The following MLXIP variants were observed in gnomAD, a reference collection of about 807,000 sequenced individuals.
The protein encoded by MLXIP is MLX-interacting protein.
MLXIP carries 30 observed loss-of-function variants against 87.2 expected under a neutral mutation model. The observed-to-expected ratio is 0.34, with a 90% confidence interval of 0.26 to 0.47. The LOEUF (loss-of-function observed/expected upper bound fraction) is 0.47. Among genes scored for constraint, MLXIP ranks in the 20% least tolerant of loss-of-function variants. The pLI, the probability that MLXIP is intolerant of heterozygous loss-of-function variation, is 1.00. For missense variants in MLXIP, 1,002 were observed against 1,240.1 expected (o/e 0.81, Z 2.88); for synonymous variants, 530 against 514.0 (o/e 1.03, Z -0.42).
intron 1 of MLXIP, among the ~76,000 whole-genome samples, chr12:122,105,565 G>A (rs1422536904): frequency 3.3e-5 from 5 of 152,018 alleles, no homozygotes; most frequent in African/African-American, 7.2e-5. Context: ...TAGAACTCCC[G>A]ACCTCAGGTG....
chr12:122,127,747 TCTC>T (rs1952903714), intron 2 of MLXIP, 133 bp from the exon 3 acceptor site: 1 of 707,730 alleles, frequency 1.4e-6, no homozygotes, highest in Admixed American at 2.3e-5. Flanking sequence ...TTCCCTGAAA[TCTC>T]CTTTTCCTAG....
At chr12:122,127,394 G>C (rs781376607) in intron 2 of MLXIP, 32 bp downstream of exon 2, 4 of 1,523,558 alleles carry the variant, frequency 2.6e-6, no homozygotes, top group South Asian at 1.2e-5. Flanking sequence ...CGCCGGTGGT[G>C]GTCAGAACTT....
intron 1 of MLXIP, among the ~76,000 whole-genome samples, chr12:122,126,668 C>G (rs1324674058): frequency 6.6e-6 from 1 of 152,172 alleles, no homozygotes; most frequent in African/African-American, 2.4e-5. Flanking sequence ...CTGTGGTCAA[C>G]AGATTTCTTC....
rs929118875 is a variant in MLXIP at position 122,142,480 on chromosome 12, G to A, written c.*668G>A. ...ACCAGAATGGAAGCGTGTGATGCAC[G>A]GTGGCTGCTCTGGCTGAGAGGCCCT... On this transcript the variant is annotated 3_prime_UTR_variant, in exon 17 of 17. Coordinates refer to ENST00000319080, the MANE Select transcript of MLXIP (RefSeq NM_014938.6). The A allele has an allele frequency of 2.7e-5, 10 of 367,794 alleles. No individual in the cohort carries two copies. Among genetic ancestry groups the A allele is most frequent in the African/African-American group, 6.3e-5 (3 of 47,320 alleles). The allele number at this position is 367,794 out of a possible 1,614,324, so 22.8% of individuals were successfully genotyped here.
At chr12:122,128,008 T>TA (rs747032859) in intron 3 of MLXIP, 40 bp downstream of exon 3, 8 of 1,552,502 alleles carry the variant, frequency 5.2e-6, no homozygotes, top group Non-Finnish European at 7.1e-6. Context: ...AGTGGAAACA[T>TA]ACCAGCACCT....
At chr12:122,122,860 C>CT (rs60568039) in intron 1 of MLXIP, among the ~76,000 whole-genome samples, 61,531 of 142,282 alleles carry the variant, frequency 0.43, 13,379 homozygotes, top group Middle Eastern at 0.62. Context: ...TTTTCTTTTT[C>CT]TTTTTTTTTT....
intron 1 of MLXIP, among the ~76,000 whole-genome samples, chr12:122,121,206 C>T (rs1256883245): frequency 2.0e-5 from 3 of 151,240 alleles, no homozygotes; most frequent in Admixed American, 6.6e-5. Context: ...GATGGAGTTT[C>T]ACCATGTTGG....
intron 1 of MLXIP, among the ~76,000 whole-genome samples, chr12:122,106,659 T>TG (rs888284910): frequency 1.5e-5 from 2 of 137,740 alleles, no homozygotes; most frequent in African/African-American, 5.4e-5. Context: ...TGGAGTGCAG[T>TG]GGCGCGATCT....
At chr12:122,130,553 T>G (rs1406258184) in intron 6 of MLXIP, among the ~76,000 whole-genome samples, 1 of 151,508 alleles carries the variant, frequency 6.6e-6, no homozygotes, top group East Asian at 1.9e-4. Context: ...GCCCAAAGAT[T>G]GAAAATTAGA....
intron 1 of MLXIP, among the ~76,000 whole-genome samples, chr12:122,121,017 T>TTTTTTTG (rs1952774179): frequency 7.3e-6 from 1 of 136,542 alleles, no homozygotes; most frequent in Non-Finnish European, 1.6e-5. Flanking sequence ...TTGGTTTTTT[T>TTTTTTTG]TTTTTTTTTT....
rs115853086 is a variant in MLXIP at position 122,080,482 on chromosome 12, A to T, written c.413+1216A>T. ...TTTACCTGAAGTTAAAATATTAGAT[A>T]CTTAGCCCTGGATGGCACCCCCCTC... On this transcript the variant is annotated intron_variant, in intron 1 of 16. Transcript: ENST00000319080. Among the ~76,000 whole-genome samples the T allele has an allele frequency of 7.8e-3, 1,191 of 152,262 alleles. 15 individuals carry two copies. Among genetic ancestry groups the T allele is most frequent in the African/African-American group, 0.027 (1,135 of 41,530 alleles).
At chr12:122,083,144 C>A (rs532742818) in intron 1 of MLXIP, among the ~76,000 whole-genome samples, 1 of 152,128 alleles carries the variant, frequency 6.6e-6, no homozygotes, top group Non-Finnish European at 1.5e-5. Flanking sequence ...CTGAACACTT[C>A]TAGTGTGTAC....
intron 9 of MLXIP, chr12:122,134,319 C>T (rs977650952): frequency 3.5e-5 from 12 of 340,304 alleles, no homozygotes; most frequent in African/African-American, 1.5e-4. Flanking sequence ...GTCAGCCTCC[C>T]GAGTAGTTGG....
intron 15 of MLXIP, 62 bp downstream of exon 15, chr12:122,139,000 C>A: frequency 6.3e-7 from 1 of 1,599,104 alleles, no homozygotes; most frequent in South Asian, 1.1e-5. Context: ...AGCCACAGAC[C>A]GTGGCACTGT....
chr12:122,090,631 C>G (rs1952233118), intron 1 of MLXIP, among the ~76,000 whole-genome samples: 1 of 152,058 alleles, frequency 6.6e-6, no homozygotes, highest in Admixed American at 6.6e-5. Context: ...TTCAACTTTC[C>G]CTGTATGTTT....
chr12:122,103,186 T>C (rs992804039), intron 1 of MLXIP, among the ~76,000 whole-genome samples: 3 of 55,906 alleles, frequency 5.4e-5, no homozygotes, highest in Admixed American at 2.0e-4. Context: ...TATGTATGTA[T>C]GTATGTATGT....
intron 1 of MLXIP, among the ~76,000 whole-genome samples, chr12:122,079,499 A>AG (rs907174881): frequency 2.0e-5 from 3 of 152,142 alleles, no homozygotes; most frequent in Non-Finnish European, 2.9e-5. Flanking sequence ...TTCCCCATCC[A>AG]GGCCCTCCCC....
At chr12:122,088,187 C>G (rs1372630941) in intron 1 of MLXIP, among the ~76,000 whole-genome samples, 3 of 152,214 alleles carry the variant, frequency 2.0e-5, no homozygotes, top group Non-Finnish European at 4.4e-5. Context: ...TGCCCCTCCC[C>G]CTCTGCTGTC....
intron 1 of MLXIP, among the ~76,000 whole-genome samples, chr12:122,082,390 T>C (rs564006990): frequency 2.6e-5 from 4 of 152,306 alleles, no homozygotes; most frequent in African/African-American, 9.6e-5. Context: ...CTTAGACTTA[T>C]CTGAAGTCTA....
Sources: gnomAD v4.1 joint callset for allele counts (sites outside exome capture counted in the v4.1 genomes callset) on GRCh38, gnomAD v4.1.1 for gene constraint, MANE v1.5 for transcripts, NCBI Gene and HGNC (gene_info 2026-07-23, HGNC 2026-07-21) for gene names.